CYP19A1: variants seen among roughly 807,000 people sequenced by gnomAD.
CYP19A1 encodes aromatase.
A neutral mutation model predicts 44.4 loss-of-function variants in CYP19A1; 32 were observed. That is an observed-to-expected ratio of 0.72 (90% CI 0.54 to 0.97). The LOEUF is 0.97. Among genes scored for constraint, CYP19A1 ranks in the 50% least tolerant of loss-of-function variants. The pLI is 0.00. For synonymous variants in CYP19A1, 212 were observed against 215.6 expected (o/e 0.98, Z 0.14); for missense variants, 598 against 637.8 (o/e 0.94, Z 0.67).
intron 1 of CYP19A1, among the ~76,000 whole-genome samples, chr15:51,306,268 C>T (rs760875068): frequency 3.3e-5 from 5 of 152,198 alleles, no homozygotes; most frequent in Non-Finnish European, 5.9e-5. Flanking sequence ...TTTTGTGGTG[C>T]ATTCCCAGTT....
intron 1 of CYP19A1, among the ~76,000 whole-genome samples, chr15:51,271,268 AC>A (rs2035117165): frequency 6.6e-6 from 1 of 152,124 alleles, no homozygotes; most frequent in South Asian, 2.1e-4. Flanking sequence ...TCTTTCAAGC[AC>A]CTGTGGGAGC....
chr15:51,307,135 C>T (rs574897932), intron 1 of CYP19A1, among the ~76,000 whole-genome samples: 13 of 152,100 alleles, frequency 8.5e-5, no homozygotes. Context: ...TTGGAGCCAA[C>T]GAAAGCAAAC....
In CYP19A1 at chr15:51,225,028, C is replaced by T. The variant is rs533716323; in HGVS notation, c.452-2503G>A. ...ATTCCTCTGAAAAGTCTCCCCTGCCCCTCAATGTGCTTTAGATGGCCTGTT... is the reference window on the plus strand; with the variant it reads ...ATTCCTCTGAAAAGTCTCCCCTGCCTCTCAATGTGCTTTAGATGGCCTGTT... On this transcript the variant is annotated intron_variant, in intron 4 of 9. Transcript: ENST00000396402. Among the ~76,000 whole-genome samples, 8 of 152,282 alleles carry T rather than the reference C, an allele frequency of 5.3e-5. No individual in the cohort carries two copies. The South Asian group carries it at 1.7e-3, about 32-fold the overall frequency.
At chr15:51,249,064 C>T (rs35808887) in intron 1 of CYP19A1, among the ~76,000 whole-genome samples, 57,171 of 151,646 alleles carry the variant, frequency 0.38, 12,547 homozygotes, top group Non-Finnish European at 0.5. Flanking sequence ...CTCGGCCTCC[C>T]GAGTAGCTGG....
At chr15:51,238,054 T>C (rs2033520121) in intron 2 of CYP19A1, among the ~76,000 whole-genome samples, 2 of 152,248 alleles carry the variant, frequency 1.3e-5, no homozygotes, top group South Asian at 4.1e-4. Flanking sequence ...CTGAATTGGA[T>C]GTTTAATCCC....
chr15:51,237,882 G>A (rs1435955438), intron 2 of CYP19A1, among the ~76,000 whole-genome samples: 1 of 152,312 alleles, frequency 6.6e-6, no homozygotes, highest in Non-Finnish European at 1.5e-5. Flanking sequence ...GTTTTCAGGA[G>A]TTGACAAGTA....
intron 1 of CYP19A1, among the ~76,000 whole-genome samples, chr15:51,315,259 T>C (rs1051599646): frequency 1.3e-5 from 2 of 152,198 alleles, no homozygotes; most frequent in African/African-American, 4.8e-5. Context: ...TTATGCGTGC[T>C]TCTGCACATT....
At chr15:51,315,017 G>A (rs934777193) in intron 1 of CYP19A1, among the ~76,000 whole-genome samples, 15 of 151,912 alleles carry the variant, frequency 9.9e-5, no homozygotes, top group South Asian at 2.1e-4. Flanking sequence ...CTCTGAATCC[G>A]ATCCTGCTTG....
intron 3 of CYP19A1, among the ~76,000 whole-genome samples, chr15:51,229,937 TAAAAC>T (rs2032899727): frequency 6.6e-6 from 1 of 152,142 alleles, no homozygotes; most frequent in Non-Finnish European, 1.5e-5. Context: ...ACTCCAAACA[TAAAAC>T]AAACCCAACG....
At position 51,218,505 on chromosome 15, in the gene CYP19A1, T is replaced by A. The variant is rs1143704; in HGVS notation, c.743+36A>T. On this transcript the variant is annotated intron_variant, in intron 6 of 9. Coordinates refer to ENST00000396402, the MANE Select transcript of CYP19A1 (RefSeq NM_000103.4). ...ACACAAGGGAAAAAAACCAATCCAA[T>A]TGTACTCATAAATCTTCCAAAGTTG... 0.49 allele frequency: 783,973 copies of A among 1,589,230 alleles called. 198,649 individuals carry two copies. The highest frequency in any genetic ancestry group is 0.53 in the Non-Finnish European group (615,433 of 1,166,372).
At chr15:51,238,472 TA>T (rs1161871177) in intron 2 of CYP19A1, among the ~76,000 whole-genome samples, 8 of 152,234 alleles carry the variant, frequency 5.3e-5, no homozygotes, top group Non-Finnish European at 8.8e-5. Flanking sequence ...GTATCTAATA[TA>T]AAGGATGAAG....
At chr15:51,283,624 G>A (rs930518556) in intron 1 of CYP19A1, among the ~76,000 whole-genome samples, 5 of 152,050 alleles carry the variant, frequency 3.3e-5, no homozygotes, top group African/African-American at 1.2e-4. Flanking sequence ...TCGGCAATTT[G>A]GACACAAAAA....
At chr15:51,246,563 C>G (rs78663383) in intron 1 of CYP19A1, among the ~76,000 whole-genome samples, 1 of 152,326 alleles carries the variant, frequency 6.6e-6, no homozygotes, top group East Asian at 1.9e-4. Context: ...AGTCCTCAGC[C>G]TGAGTCAGGG....
chr15:51,222,137 G>A (rs2032138606), intron 5 of CYP19A1: 3 of 760,148 alleles, frequency 3.9e-6, no homozygotes, highest in Non-Finnish European at 6.2e-6. Flanking sequence ...AGATACAAAA[G>A]GCTAGTAGAT....
intron 1 of CYP19A1, among the ~76,000 whole-genome samples, chr15:51,282,326 C>G (rs2140974201): frequency 6.6e-6 from 1 of 152,292 alleles, no homozygotes; most frequent in African/African-American, 2.4e-5. Context: ...GTGCATAAAA[C>G]CCCTCGTGGC....
chr15:51,286,182 G>T (rs1361200384), intron 1 of CYP19A1, among the ~76,000 whole-genome samples: 1 of 152,080 alleles, frequency 6.6e-6, no homozygotes, highest in Non-Finnish European at 1.5e-5. Flanking sequence ...TCTCCTGCTG[G>T]ATCGCCCCTT....
chr15:51,326,673 T>TA (rs2036613010), intron 1 of CYP19A1, among the ~76,000 whole-genome samples: 1 of 152,218 alleles, frequency 6.6e-6, no homozygotes, highest in East Asian at 1.9e-4. Context: ...TGTTCTTTTT[T>TA]AAATTCATTG....
intron 1 of CYP19A1, among the ~76,000 whole-genome samples, chr15:51,337,071 G>C (rs902448925): frequency 2.0e-5 from 3 of 152,190 alleles, no homozygotes; most frequent in African/African-American, 7.2e-5. Context: ...ATGGTATTCA[G>C]ACGAGAACCC....
At chr15:51,241,955 A>G (rs2033795513) in intron 2 of CYP19A1, among the ~76,000 whole-genome samples, 1 of 152,044 alleles carries the variant, frequency 6.6e-6, no homozygotes, top group Non-Finnish European at 1.5e-5. Context: ...TATCTTATGG[A>G]ATTGGGAACA....
Sources: allele counts gnomAD v4.1 joint callset (sites outside exome capture counted in the v4.1 genomes callset), GRCh38; gene constraint gnomAD v4.1.1; transcripts MANE v1.5; gene names NCBI Gene and HGNC (gene_info 2026-07-23, HGNC 2026-07-21).